NKAIN3: variants seen among roughly 807,000 people sequenced by gnomAD.
NKAIN3 encodes sodium/potassium transporting ATPase interacting 3.
NKAIN3 carries 25 observed loss-of-function variants against 30.2 expected under a neutral mutation model. That is an observed-to-expected ratio of 0.83 (90% CI 0.60 to 1.16). The LOEUF (loss-of-function observed/expected upper bound fraction) is 1.16. Among genes scored for constraint, NKAIN3 ranks in the 50% most tolerant of loss-of-function variants. The probability of loss-of-function intolerance (pLI) is 0.00; values close to 1 mark genes in which losing one functional copy is unlikely to be tolerated. For missense variants in NKAIN3, 225 were observed against 254.1 expected, an observed-to-expected ratio of 0.89 and a Z score of 0.78; for synonymous variants, 91 against 89.6, an observed-to-expected ratio of 1.02 and a Z score of -0.09.
chr8:62,754,744 A>G (rs1204328486), intron 4 of NKAIN3, among the ~76,000 whole-genome samples: 5 of 152,226 alleles, frequency 3.3e-5, no homozygotes, highest in African/African-American at 1.2e-4. Flanking sequence ...AAAACTTAAT[A>G]GAGAAGGGTA....
intron 1 of NKAIN3, among the ~76,000 whole-genome samples, chr8:62,279,582 T>C (rs1000539376): frequency 2.0e-4 from 31 of 152,218 alleles, no homozygotes; most frequent in African/African-American, 7.5e-4. Flanking sequence ...AGTTTCAGCT[T>C]TCTACATATG....
intron 1 of NKAIN3, among the ~76,000 whole-genome samples, chr8:62,291,741 T>C (rs920647404): frequency 1.3e-5 from 2 of 152,200 alleles, no homozygotes; most frequent in Non-Finnish European, 2.9e-5. Context: ...GTTCTGTAGA[T>C]GTCTATTAGG....
intron 4 of NKAIN3, among the ~76,000 whole-genome samples, chr8:62,883,458 T>TTGTTGTTTTTTTTTTG (rs779911371): frequency 6.3e-5 from 2 of 31,540 alleles, no homozygotes; most frequent in Admixed American, 8.6e-4. Context: ...GTTTTATGGG[T>TTGTTGTTTTTTTTTTG]TTTTTTTTTT....
chr8:62,544,143 A>G (rs1808935362), intron 1 of NKAIN3, among the ~76,000 whole-genome samples: 1 of 152,096 alleles, frequency 6.6e-6, no homozygotes, highest in Admixed American at 6.6e-5. Flanking sequence ...CCAGAACTAC[A>G]GGTGCACACT....
At chr8:62,286,864 G>T (rs4637821) in intron 1 of NKAIN3, among the ~76,000 whole-genome samples, 99,906 of 151,636 alleles carry the variant, frequency 0.66, 33,188 homozygotes, top group African/African-American at 0.74. Context: ...ACTTTGAATA[G>T]AGATACTTGG....
At position 62,948,436 on chromosome 8, in the gene NKAIN3, G is replaced by GA. The variant is rs552936805; in HGVS notation, c.533-5465dup. ...GATGGTCTCCATCTCTTGACATCATGATCTGCCTGCCTCGGCCTCCCAAAG... is the reference window on the plus strand; with the variant it reads ...GATGGTCTCCATCTCTTGACATCATGAATCTGCCTGCCTCGGCCTCCCAAAG... On this transcript the variant is annotated intron_variant, in intron 5 of 6. Transcript: ENST00000623646. 8.5e-5 allele frequency among the ~76,000 whole-genome samples: 13 copies of GA among 152,210 alleles called. No homozygotes were observed. The East Asian group carries it at 2.5e-3, about 29-fold the overall frequency.
At chr8:62,918,052 T>A (rs1287576869) in intron 4 of NKAIN3, among the ~76,000 whole-genome samples, 2 of 152,230 alleles carry the variant, frequency 1.3e-5, no homozygotes, top group Non-Finnish European at 2.9e-5. Context: ...GCAACATGTT[T>A]TGATTCCTTC....
chr8:62,923,955 G>A (rs1822360806), intron 5 of NKAIN3, among the ~76,000 whole-genome samples: 1 of 152,192 alleles, frequency 6.6e-6, no homozygotes, highest in African/African-American at 2.4e-5. Flanking sequence ...ATTCCCTACA[G>A]GGGAAAGATA....
intron 4 of NKAIN3, among the ~76,000 whole-genome samples, chr8:62,814,394 A>G (rs1818603473): frequency 6.6e-6 from 1 of 151,908 alleles, no homozygotes; most frequent in Admixed American, 6.6e-5. Context: ...ATAGATATCT[A>G]CAGAACTCTC....
At chr8:62,872,242 C>A (rs1215302864) in intron 4 of NKAIN3, among the ~76,000 whole-genome samples, 1 of 152,194 alleles carries the variant, frequency 6.6e-6, no homozygotes, top group African/African-American at 2.4e-5. Context: ...ATGCCATTGT[C>A]AGAAGGTATC....
intron 1 of NKAIN3, among the ~76,000 whole-genome samples, chr8:62,323,506 G>A (rs111975982): frequency 2.6e-5 from 4 of 152,190 alleles, no homozygotes; most frequent in African/African-American, 9.6e-5. Context: ...GGTTGGACAG[G>A]CAGTTGCTGA....
At chr8:62,464,478 T>TA (rs1469063329) in intron 1 of NKAIN3, among the ~76,000 whole-genome samples, 1 of 152,198 alleles carries the variant, frequency 6.6e-6, no homozygotes, top group Non-Finnish European at 1.5e-5. Flanking sequence ...AAGTAACATT[T>TA]AAAAAATCAG....
At chr8:62,477,962 T>C (rs1445815232) in intron 1 of NKAIN3, among the ~76,000 whole-genome samples, 1 of 152,194 alleles carries the variant, frequency 6.6e-6, no homozygotes, top group Admixed American at 6.5e-5. Context: ...TAATTATTTT[T>C]ATGTGAATAG....
chr8:62,897,426 T>C (rs1229455765), intron 4 of NKAIN3, among the ~76,000 whole-genome samples: 1 of 152,158 alleles, frequency 6.6e-6, no homozygotes, highest in African/African-American at 2.4e-5. Context: ...ATAAACTGAT[T>C]TGCCAAGACT....
At chr8:62,591,014 T>A (rs1197100398) in intron 3 of NKAIN3, among the ~76,000 whole-genome samples, 1 of 152,004 alleles carries the variant, frequency 6.6e-6, no homozygotes, top group Admixed American at 6.6e-5. Context: ...TCTAGTTATA[T>A]TCTATAAATT....
intron 6 of NKAIN3, among the ~76,000 whole-genome samples, chr8:62,964,537 AGT>A (rs56313500): frequency 0.12 from 16,479 of 132,792 alleles, 900 homozygotes; most frequent in Middle Eastern, 0.16. Context: ...AGAGAGAGAG[AGT>A]GTGTGTGTGT....
At chr8:62,502,043 G>C (rs566092400) in intron 1 of NKAIN3, among the ~76,000 whole-genome samples, 2 of 152,280 alleles carry the variant, frequency 1.3e-5, no homozygotes, top group African/African-American at 4.8e-5. Context: ...AACTCATGCT[G>C]TCATAGCAGA....
intron 4 of NKAIN3, among the ~76,000 whole-genome samples, chr8:62,875,671 CA>C: frequency 6.6e-6 from 1 of 152,248 alleles, no homozygotes. Flanking sequence ...AATAACAACA[CA>C]AATCTACAAC....
chr8:62,570,627 C>T (rs1294553677), intron 1 of NKAIN3, among the ~76,000 whole-genome samples: 3 of 152,064 alleles, frequency 2.0e-5, no homozygotes, highest in Non-Finnish European at 2.9e-5. Flanking sequence ...GACTCGCCCC[C>T]GTGATTCAAT....
Sources: gnomAD v4.1 joint callset for allele counts (sites outside exome capture counted in the v4.1 genomes callset) on GRCh38, gnomAD v4.1.1 for gene constraint, MANE v1.5 for transcripts, NCBI Gene and HGNC (gene_info 2026-07-23, HGNC 2026-07-21) for gene names.